The following GPM6A variants were observed in gnomAD, a reference collection of about 807,000 sequenced individuals.
The protein encoded by GPM6A is neuronal membrane glycoprotein M6-a.
Under a neutral mutation model 32.1 loss-of-function variants are expected in GPM6A, and 7 were observed. The ratio of observed to expected loss-of-function variants is 0.22; its 90% CI spans 0.12 to 0.41. The LOEUF (loss-of-function observed/expected upper bound fraction) is 0.41. GPM6A is among the 10% of genes least tolerant of loss of function. The probability of loss-of-function intolerance (pLI) is 1.00; values close to 1 mark genes in which losing one functional copy is unlikely to be tolerated. For missense variants in GPM6A, 235 were observed against 347.2 expected (o/e 0.68, Z 2.57); for synonymous variants, 130 against 123.4 (o/e 1.05, Z -0.35).
intron 1 of GPM6A, among the ~76,000 whole-genome samples, chr4:175,829,523 C>T (rs1353983985): frequency 3.3e-5 from 5 of 151,584 alleles, no homozygotes; most frequent in Admixed American, 1.3e-4. Context: ...CAAGTGAAAA[C>T]GTGTTTTTCT....
chr4:175,731,322 C>T (rs991263722), intron 1 of GPM6A, among the ~76,000 whole-genome samples: 6 of 152,072 alleles, frequency 3.9e-5, no homozygotes, highest in East Asian at 1.9e-4. Context: ...GCCTGCAATG[C>T]GCTCCCAAAC....
chr4:175,967,288 T>C (rs1039623932), intron 1 of GPM6A, among the ~76,000 whole-genome samples: 1 of 152,136 alleles, frequency 6.6e-6, no homozygotes, highest in African/African-American at 2.4e-5. Context: ...GTGAACTTTC[T>C]CAACTTGGTA....
intron 1 of GPM6A, among the ~76,000 whole-genome samples, chr4:175,947,210 G>A (rs2333325): frequency 0.52 from 78,002 of 150,694 alleles, 23,003 homozygotes; most frequent in Admixed American, 0.64. Flanking sequence ...ACACTAGCTC[G>A]AATTTCCTCA....
rs1554001498 is a variant in GPM6A at position 175,920,853 on chromosome 4, A to AT, written c.-23+81455_-23+81456insA. On this transcript the variant is annotated intron_variant, in intron 1 of 7. Coordinates refer to the GPM6A transcript ENST00000280187. Reference sequence around the variant, plus strand: ...GAGAATCTGTCTCAAAAAAAAAAAAAATGCTTTGAATATACTCTAAAAGTC... The same window carrying AT: ...GAGAATCTGTCTCAAAAAAAAAAAAATATGCTTTGAATATACTCTAAAAGTC... Among the ~76,000 whole-genome samples the AT allele has an allele frequency of 5.1e-3, 781 of 151,948 alleles. 10 individuals are homozygous for AT. Among genetic ancestry groups the AT allele is most frequent in the African/African-American group, 0.018 (746 of 41,310 alleles).
chr4:175,805,858 A>G (rs1367869295), intron 1 of GPM6A: 1 of 152,140 alleles, frequency 6.6e-6, no homozygotes, highest in Non-Finnish European at 1.5e-5. Context: ...CCAAAGTTAT[A>G]TTTCCCACTC....
At chr4:175,637,280 ATT>A (rs1560841904) in intron 6 of GPM6A, among the ~76,000 whole-genome samples, 1 of 57,498 alleles carries the variant, frequency 1.7e-5, no homozygotes. Flanking sequence ...TATATTATAT[ATT>A]ATATAAAATA....
At chr4:175,708,926 T>C (rs978495532) in intron 1 of GPM6A, among the ~76,000 whole-genome samples, 6 of 152,174 alleles carry the variant, frequency 3.9e-5, no homozygotes, top group African/African-American at 1.4e-4. Context: ...CAGTAAATAT[T>C]TGGTAGAACA....
At chr4:175,874,535 G>T (rs1225257906) in intron 1 of GPM6A, among the ~76,000 whole-genome samples, 1 of 152,084 alleles carries the variant, frequency 6.6e-6, no homozygotes, top group Non-Finnish European at 1.5e-5. Context: ...GAGCCAAAGG[G>T]TGTGGCATAT....
intron 1 of GPM6A, among the ~76,000 whole-genome samples, chr4:175,946,798 G>A (rs1739623051): frequency 6.6e-6 from 1 of 152,174 alleles, no homozygotes; most frequent in Non-Finnish European, 1.5e-5. Context: ...TTTTTAAAAT[G>A]CCTTTATCCT....
chr4:175,649,911 G>C (rs1741682597), intron 4 of GPM6A, among the ~76,000 whole-genome samples: 1 of 152,178 alleles, frequency 6.6e-6, no homozygotes, highest in Non-Finnish European at 1.5e-5. Context: ...CCCTATTTGA[G>C]AGGCTAATCA....
intron 1 of GPM6A, among the ~76,000 whole-genome samples, chr4:175,796,778 T>C (rs1734247560): frequency 6.6e-6 from 1 of 152,184 alleles, no homozygotes; most frequent in East Asian, 1.9e-4. Flanking sequence ...ATTCATTAGT[T>C]CAAAAACAAA....
At chr4:175,638,452 G>A (rs1434680099) in intron 6 of GPM6A, among the ~76,000 whole-genome samples, 1 of 151,944 alleles carries the variant, frequency 6.6e-6, no homozygotes, top group Non-Finnish European at 1.5e-5. Flanking sequence ...AATCTTCTAA[G>A]CTTTCTGTTT....
At chr4:175,956,642 TG>T (rs1464218787) in intron 1 of GPM6A, among the ~76,000 whole-genome samples, 2 of 152,166 alleles carry the variant, frequency 1.3e-5, no homozygotes, top group East Asian at 1.9e-4. Context: ...TACACAGAGG[TG>T]TTCAATTGAT....
At chr4:175,683,977 G>A (rs563678468) in intron 2 of GPM6A, among the ~76,000 whole-genome samples, 21 of 151,780 alleles carry the variant, frequency 1.4e-4, no homozygotes, top group Non-Finnish European at 2.5e-4. Flanking sequence ...GATTACAGCC[G>A]TGCACCACCA....
intron 3 of GPM6A, among the ~76,000 whole-genome samples, chr4:175,659,232 G>A (rs556432270): frequency 6.6e-6 from 1 of 151,940 alleles, no homozygotes; most frequent in African/African-American, 2.4e-5. Context: ...ACAGGTGCAC[G>A]CCGCAGCACA....
At chr4:175,805,127 AT>A (rs1332338195) in intron 1 of GPM6A, among the ~76,000 whole-genome samples, 4 of 151,302 alleles carry the variant, frequency 2.6e-5, no homozygotes, top group Non-Finnish European at 4.4e-5. Flanking sequence ...ATCTCAAAAA[AT>A]TTTTTTTTCA....
chr4:175,690,468 A>C (rs73020167), intron 2 of GPM6A, among the ~76,000 whole-genome samples: 7,173 of 152,282 alleles, frequency 0.047, 204 homozygotes, highest in Non-Finnish European at 0.063. Context: ...GGAGGTCAGA[A>C]GTTTGAAATC....
At chr4:175,898,817 T>C (rs1296226368) in intron 1 of GPM6A, among the ~76,000 whole-genome samples, 7 of 152,344 alleles carry the variant, frequency 4.6e-5, no homozygotes, top group Middle Eastern at 3.4e-3. Flanking sequence ...AATAAGATCA[T>C]GTCATTTCTC....
chr4:175,866,838 CA>C (rs961919352), intron 1 of GPM6A, among the ~76,000 whole-genome samples: 1 of 152,136 alleles, frequency 6.6e-6, no homozygotes, highest in Non-Finnish European at 1.5e-5. Context: ...AAGAAACCAC[CA>C]AACTGTCTTC....
Sources: allele counts gnomAD v4.1 joint callset (sites outside exome capture counted in the v4.1 genomes callset), GRCh38; gene constraint gnomAD v4.1.1; transcripts MANE v1.5; gene names NCBI Gene and HGNC (gene_info 2026-07-23, HGNC 2026-07-21).